NRCAM: variants seen among roughly 807,000 people sequenced by gnomAD.
NRCAM encodes the protein NgCAM-related cell adhesion molecule.
NRCAM carries 83 observed loss-of-function variants against 156.5 expected under a neutral mutation model. That is an observed-to-expected ratio of 0.53 (90% CI 0.44 to 0.64). The LOEUF is 0.64. NRCAM is among the 30% of genes least tolerant of loss of function. NRCAM has a pLI of 0.00. For synonymous variants in NRCAM, 538 were observed against 563.9 expected, an observed-to-expected ratio of 0.95 and a Z score of 0.65; for missense variants, 1,417 against 1,597.3, an observed-to-expected ratio of 0.89 and a Z score of 1.92.
At chr7:108,168,439 A>G (rs762292642) in intron 28 of NRCAM, 37 bp from the exon 29 acceptor site, 1 of 1,549,706 alleles carries the variant, frequency 6.5e-7, no homozygotes, top group East Asian at 2.3e-5. Flanking sequence ...AAACAATCAT[A>G]TTGCAACACC....
chr7:108,386,370 T>C (rs1038883412), intron 2 of NRCAM, among the ~76,000 whole-genome samples: 1 of 152,186 alleles, frequency 6.6e-6, no homozygotes, highest in Non-Finnish European at 1.5e-5. Context: ...AGTCTAAAAA[T>C]CTAGTCCCAT....
At chr7:108,435,202 T>A (rs1393425432) in intron 1 of NRCAM, among the ~76,000 whole-genome samples, 1 of 152,112 alleles carries the variant, frequency 6.6e-6, no homozygotes, top group Non-Finnish European at 1.5e-5. Context: ...TAATCTCAAA[T>A]TTTTTTAAAG....
At chr7:108,416,485 T>C (rs1014799490) in intron 1 of NRCAM, among the ~76,000 whole-genome samples, 2 of 152,186 alleles carry the variant, frequency 1.3e-5, no homozygotes, top group Non-Finnish European at 2.9e-5. Context: ...GCTGTTTCTA[T>C]GGCAGCAGGC....
rs1341940592 is a variant in NRCAM, at chr7:108,153,073, A to C, written c.3678-2926T>G. Among the ~76,000 whole-genome samples, 4 of 152,140 alleles carry C rather than the reference A, an allele frequency of 2.6e-5. No homozygotes were observed. In the East Asian group the frequency reaches 7.7e-4, roughly 29 times the overall value. ...GATATTAAAGTTTGAATATGTCATG[A>C]GAACCACTCCTTTAATCATTTTTTG... On this transcript the variant is annotated intron_variant, in intron 32 of 32. Transcript: ENST00000379028.
Position 108,226,189 on chromosome 7 carries a change from T to G in NRCAM, c.721+19A>C. The G allele has an allele frequency of 1.3e-6, 2 of 1,547,652 alleles. No homozygotes were observed. The highest frequency in any genetic ancestry group is 1.2e-5 in the South Asian group (1 of 83,828). On this transcript the variant is annotated intron_variant, in intron 9 of 32. Coordinates refer to ENST00000379028, the MANE Select transcript of NRCAM (RefSeq NM_001037132.4). ...TGTAAATGTCATTGAAGGGGAGATTTGGGAAGCTGAACTCTTACCTGAAAT... is the reference window on the plus strand; with the variant it reads ...TGTAAATGTCATTGAAGGGGAGATTGGGGAAGCTGAACTCTTACCTGAAAT...
chr7:108,367,285 A>G (rs1024772631), intron 2 of NRCAM, among the ~76,000 whole-genome samples: 8 of 152,330 alleles, frequency 5.3e-5, no homozygotes, highest in African/African-American at 1.7e-4. Context: ...TTTTTAACAT[A>G]TAAAAGTGAA....
intron 1 of NRCAM, among the ~76,000 whole-genome samples, chr7:108,445,101 G>A (rs995875402): frequency 2.0e-5 from 3 of 152,102 alleles, no homozygotes; most frequent in Non-Finnish European, 2.9e-5. Flanking sequence ...TGGTTTATGG[G>A]GTTGCTAGTT....
chr7:108,436,614 T>G (rs1386129415), intron 1 of NRCAM, among the ~76,000 whole-genome samples: 1 of 152,160 alleles, frequency 6.6e-6, no homozygotes, highest in Non-Finnish European at 1.5e-5. Context: ...TTTAAAAAAT[T>G]TTTTCATAAC....
At chr7:108,164,990 C>T (rs564761904) in intron 30 of NRCAM, among the ~76,000 whole-genome samples, 1 of 152,170 alleles carries the variant, frequency 6.6e-6, no homozygotes, top group Non-Finnish European at 1.5e-5. Context: ...ACAAATGCTA[C>T]AACTTGATTT....
intron 2 of NRCAM, among the ~76,000 whole-genome samples, chr7:108,336,720 T>C (rs1252441995): frequency 3.9e-5 from 6 of 152,154 alleles, no homozygotes; most frequent in East Asian, 1.9e-4. Flanking sequence ...TCCACACACA[T>C]TGTAAAATTC....
chr7:108,157,425 C>G (rs2046183694), intron 32 of NRCAM, among the ~76,000 whole-genome samples: 1 of 152,080 alleles, frequency 6.6e-6, no homozygotes, highest in African/African-American at 2.4e-5. Flanking sequence ...GCTCCAGACA[C>G]AAAATTCTAT....
intron 3 of NRCAM, among the ~76,000 whole-genome samples, chr7:108,298,691 A>AAAC (rs370115974): frequency 6.6e-6 from 1 of 151,476 alleles, no homozygotes; most frequent in Non-Finnish European, 1.5e-5. Context: ...AAAACACACC[A>AAAC]AACAACAACA....
intron 1 of NRCAM, among the ~76,000 whole-genome samples, chr7:108,420,557 C>T (rs78432437): frequency 0.013 from 1,915 of 152,252 alleles, 35 homozygotes; most frequent in African/African-American, 0.043. Flanking sequence ...AAAGATATGA[C>T]GACAATTTCC....
At chr7:108,154,398 C>T (rs1045118440) in intron 32 of NRCAM, among the ~76,000 whole-genome samples, 1 of 152,158 alleles carries the variant, frequency 6.6e-6, no homozygotes, top group Non-Finnish European at 1.5e-5. Context: ...TGTCGAGCAA[C>T]ATTACTAAAC....
At chr7:108,363,882 GA>G (rs1161581312) in intron 2 of NRCAM, among the ~76,000 whole-genome samples, 1 of 152,072 alleles carries the variant, frequency 6.6e-6, no homozygotes, top group East Asian at 1.9e-4. Context: ...AGGAAAGTCT[GA>G]GAAACTGTCA....
At chr7:108,196,239 C>T (rs551417335) in intron 14 of NRCAM, among the ~76,000 whole-genome samples, 12 of 152,162 alleles carry the variant, frequency 7.9e-5, no homozygotes, top group East Asian at 3.9e-4. Context: ...TGGGTAGGAA[C>T]GGTGGGGAAC....
At chr7:108,381,594 T>C (rs755079827) in intron 2 of NRCAM, among the ~76,000 whole-genome samples, 3 of 151,204 alleles carry the variant, frequency 2.0e-5, no homozygotes, top group Non-Finnish European at 4.4e-5. Context: ...AGTTTCACTC[T>C]TGTTGCCCAG....
At chr7:108,295,781 G>C (rs1446955202) in intron 3 of NRCAM, among the ~76,000 whole-genome samples, 1 of 152,228 alleles carries the variant, frequency 6.6e-6, no homozygotes, top group Non-Finnish European at 1.5e-5. Context: ...CCATCTTCAT[G>C]AGTGGAGAAC....
At chr7:108,265,183 C>T (rs1366243671) in intron 3 of NRCAM, among the ~76,000 whole-genome samples, 1 of 152,206 alleles carries the variant, frequency 6.6e-6, no homozygotes, top group East Asian at 1.9e-4. Flanking sequence ...AGGGCACATT[C>T]CCAGCTGTCC....
Sources: allele counts gnomAD v4.1 joint callset (sites outside exome capture counted in the v4.1 genomes callset), GRCh38; gene constraint gnomAD v4.1.1; transcripts MANE v1.5; gene names NCBI Gene and HGNC (gene_info 2026-07-23, HGNC 2026-07-21).